PDE4D: variants seen among roughly 807,000 people sequenced by gnomAD.
PDE4D encodes the protein 3',5'-cyclic-AMP phosphodiesterase 4D.
In PDE4D, 24 loss-of-function variants were observed where a neutral mutation model predicts 87.4. That is an observed-to-expected ratio of 0.27 (90% CI 0.20 to 0.39). The LOEUF is 0.39. PDE4D is among the 10% of genes least tolerant of loss of function. PDE4D has a pLI of 1.00. For missense variants in PDE4D, 714 were observed against 1,041.0 expected (o/e 0.69, Z 4.32); for synonymous variants, 384 against 383.2 (o/e 1.00, Z -0.02).
At chr5:58,988,637 T>C (rs1469384683) in intron 10 of PDE4D, 45 bp from the exon 11 acceptor site, 7 of 816,988 alleles carry the variant, frequency 8.6e-6, no homozygotes, top group South Asian at 6.8e-5. Flanking sequence ...TCTACAATGA[T>C]ATGAATTAAA....
At chr5:59,407,652 G>A (rs759293711) in intron 1 of PDE4D, among the ~76,000 whole-genome samples, 1 of 152,182 alleles carries the variant, frequency 6.6e-6, no homozygotes, top group Non-Finnish European at 1.5e-5. Flanking sequence ...GCAAAGTAAA[G>A]TCCGTGCTGA....
chr5:59,609,878 A>C (rs1016417592), intron 1 of PDE4D, among the ~76,000 whole-genome samples: 1 of 152,174 alleles, frequency 6.6e-6, no homozygotes, highest in Non-Finnish European at 1.5e-5. Flanking sequence ...TCCTAATCAT[A>C]TCCCGGAAAT....
chr5:60,308,818 T>C (rs143473525), intron 1 of PDE4D, among the ~76,000 whole-genome samples: 2 of 152,246 alleles, frequency 1.3e-5, no homozygotes, highest in African/African-American at 4.8e-5. Flanking sequence ...GGATTCGAAT[T>C]TGAAAATCCT....
rs1765813175 is a variant in PDE4D, at chr5:59,791,721, G to C, written c.455+101447C>G. On this transcript the variant is annotated intron_variant, in intron 1 of 14. Coordinates refer to ENST00000340635, the MANE Select transcript of PDE4D (RefSeq NM_001104631.2). ...TATAAGCAATATGAAATAAATTCCT[G>C]CTTCTAAAGTTACAGGTCTAGGAGG... Among the ~76,000 whole-genome samples the C allele has an allele frequency of 1.3e-5, 2 of 152,138 alleles. 1 individual carries two copies. Among genetic ancestry groups the C allele is most frequent in the Admixed American group, 1.3e-4 (2 of 15,270 alleles).
chr5:59,870,061 A>C (rs1411854221), intron 1 of PDE4D, among the ~76,000 whole-genome samples: 1 of 152,220 alleles, frequency 6.6e-6, no homozygotes, highest in Non-Finnish European at 1.5e-5. Flanking sequence ...CATTAGGGCA[A>C]GGTCTGTTAT....
intron 2 of PDE4D, among the ~76,000 whole-genome samples, chr5:60,071,067 C>G (rs1772663352): frequency 1.3e-5 from 2 of 151,780 alleles, no homozygotes; most frequent in South Asian, 4.2e-4. Context: ...AGGCATCGCT[C>G]TTTTTTTGCT....
intron 2 of PDE4D, among the ~76,000 whole-genome samples, chr5:59,203,378 A>G (rs939548816): frequency 6.6e-6 from 1 of 152,162 alleles, no homozygotes; most frequent in Non-Finnish European, 1.5e-5. Flanking sequence ...GCCTTTTTAC[A>G]CTGTTGGTGG....
At chr5:60,291,599 G>T (rs907783463) in intron 1 of PDE4D, among the ~76,000 whole-genome samples, 1 of 151,626 alleles carries the variant, frequency 6.6e-6, no homozygotes, top group Non-Finnish European at 1.5e-5. Context: ...AAAGACAAAG[G>T]CCTGAAAAGA....
At chr5:59,735,449 G>A (rs1307566632) in intron 1 of PDE4D, among the ~76,000 whole-genome samples, 52 of 152,076 alleles carry the variant, frequency 3.4e-4, no homozygotes. Flanking sequence ...GGATCCTTCT[G>A]CCTCAATTTT....
At chr5:59,975,105 A>G (rs1227902411) in intron 3 of PDE4D, among the ~76,000 whole-genome samples, 1 of 152,174 alleles carries the variant, frequency 6.6e-6, no homozygotes, top group African/African-American at 2.4e-5. Flanking sequence ...TTTGACATCT[A>G]TGCCAATCAA....
At chr5:60,066,694 T>C (rs1772140413) in intron 2 of PDE4D, among the ~76,000 whole-genome samples, 1 of 152,108 alleles carries the variant, frequency 6.6e-6, no homozygotes, top group African/African-American at 2.4e-5. Context: ...TTTTATTAGA[T>C]GAGTCATCTC....
Position 60,474,108 on chromosome 5 carries a change from A to ATATATATATATGTG in PDE4D, c.-90+13833_-90+13834insCACATATATATATA, listed in dbSNP as rs1554041509. Reference sequence around the variant, plus strand: ...TGTCTCAGTCCCTTTGAGCTGCCATATATATATATATATATATATATATAT... The same window carrying ATATATATATATGTG: ...TGTCTCAGTCCCTTTGAGCTGCCATATATATATATATGTGTATATATATATATATATATATATAT... On this transcript the variant is annotated intron_variant, in intron 1 of 16. Transcript: ENST00000502484. Among the ~76,000 whole-genome samples the ATATATATATATGTG allele has an allele frequency of 1.3e-4, 7 of 52,266 alleles. No individual in the cohort carries two copies. In the East Asian group the frequency reaches 3.5e-3, roughly 26 times the overall value. The allele number at this position is 52,266 out of a possible 152,430, so 34.3% of individuals were successfully genotyped here.
intron 1 of PDE4D, among the ~76,000 whole-genome samples, chr5:59,372,576 A>C (rs1784092115): frequency 6.6e-6 from 1 of 152,160 alleles, no homozygotes; most frequent in Admixed American, 6.5e-5. Context: ...ATCCTCCCCT[A>C]CCCTGAGCTA....
At chr5:59,625,353 C>T (rs1561351541) in intron 1 of PDE4D, among the ~76,000 whole-genome samples, 2 of 152,200 alleles carry the variant, frequency 1.3e-5, no homozygotes, top group Admixed American at 1.3e-4. Context: ...CTGAATTCTT[C>T]CAACAGTGGC....
intron 5 of PDE4D, among the ~76,000 whole-genome samples, chr5:59,123,481 T>G (rs1365777113): frequency 6.6e-6 from 1 of 152,220 alleles, no homozygotes; most frequent in Non-Finnish European, 1.5e-5. Context: ...ATAATTTTGC[T>G]AAACATCTCC....
chr5:60,329,128 T>C (rs9291688), intron 1 of PDE4D, among the ~76,000 whole-genome samples: 7,451 of 152,326 alleles, frequency 0.049, 247 homozygotes, highest in Non-Finnish European at 0.07. Context: ...AAAACTTACA[T>C]GCTTTTATCC....
intron 1 of PDE4D, among the ~76,000 whole-genome samples, chr5:59,244,519 C>G (rs1046452357): frequency 6.7e-6 from 1 of 149,662 alleles, no homozygotes; most frequent in Non-Finnish European, 1.5e-5. Context: ...AGATGAATAT[C>G]AGGTAGGTCT....
intron 5 of PDE4D, among the ~76,000 whole-genome samples, chr5:59,072,893 G>A (rs925902608): frequency 1.3e-5 from 2 of 152,094 alleles, no homozygotes; most frequent in African/African-American, 4.8e-5. Context: ...TAGGATGACC[G>A]ATTCTGAAGC....
intron 2 of PDE4D, among the ~76,000 whole-genome samples, chr5:60,042,655 G>A (rs1768660279): frequency 6.6e-6 from 1 of 152,186 alleles, no homozygotes; most frequent in Admixed American, 6.5e-5. Context: ...CAGGCAAAGA[G>A]GGTCTGGAGT....
Sources: allele counts gnomAD v4.1 joint callset (sites outside exome capture counted in the v4.1 genomes callset), GRCh38; gene constraint gnomAD v4.1.1; transcripts MANE v1.5; gene names NCBI Gene and HGNC (gene_info 2026-07-23, HGNC 2026-07-21).